Variants in WWOX observed in about 807,000 individuals in gnomAD.
WWOX encodes WW domain-containing oxidoreductase.
A neutral mutation model predicts 46.2 loss-of-function variants in WWOX; 69 were observed. That is an observed-to-expected ratio of 1.49 (90% CI 1.23 to 1.82). The LOEUF (loss-of-function observed/expected upper bound fraction) is 1.82. WWOX is among the 40% of genes most tolerant of loss of function. WWOX has a pLI of 0.00. For synonymous variants in WWOX, 359 were observed against 202.6 expected (o/e 1.77, Z -6.56); for missense variants, 919 against 542.6 (o/e 1.69, Z -6.89).
chr16:78,921,507 C>T (rs560748726), intron 8 of WWOX, among the ~76,000 whole-genome samples: 1 of 152,156 alleles, frequency 6.6e-6, no homozygotes, highest in Non-Finnish European at 1.5e-5. Flanking sequence ...TTTTCAAAGA[C>T]CTTTCACAGT....
intron 8 of WWOX, among the ~76,000 whole-genome samples, chr16:78,478,835 C>T (rs1164892197): frequency 6.6e-6 from 1 of 151,964 alleles, no homozygotes; most frequent in East Asian, 1.9e-4. Context: ...TTTATTTTTT[C>T]TCTCCCCTTT....
intron 1 of WWOX, among the ~76,000 whole-genome samples, chr16:78,100,839 C>T (rs1423023831): frequency 6.6e-6 from 1 of 152,148 alleles, no homozygotes; most frequent in East Asian, 1.9e-4. Flanking sequence ...TTAGAATCAC[C>T]TAGGAAATGT....
chr16:78,741,463 G>A (rs545014780), intron 8 of WWOX, among the ~76,000 whole-genome samples: 2 of 152,304 alleles, frequency 1.3e-5, no homozygotes, highest in East Asian at 3.9e-4. Flanking sequence ...GGGAGGCTGA[G>A]GCAGGAGAAT....
intron 8 of WWOX, among the ~76,000 whole-genome samples, chr16:79,207,299 C>T (rs900974522): frequency 6.6e-6 from 1 of 152,226 alleles, no homozygotes; most frequent in African/African-American, 2.4e-5. Flanking sequence ...AGATGAGTAA[C>T]AATGGAAGTA....
At chr16:78,294,308 C>G (rs1257849880) in intron 5 of WWOX, among the ~76,000 whole-genome samples, 1 of 152,142 alleles carries the variant, frequency 6.6e-6, no homozygotes, top group Non-Finnish European at 1.5e-5. Context: ...TGCAGAGGCA[C>G]TGGTGCATAT....
intron 8 of WWOX, among the ~76,000 whole-genome samples, chr16:78,499,098 T>G (rs991909421): frequency 2.6e-5 from 4 of 152,198 alleles, no homozygotes; most frequent in Admixed American, 6.5e-5. Flanking sequence ...TGAGTTTGAT[T>G]AAAGCTGAAT....
intron 5 of WWOX, among the ~76,000 whole-genome samples, chr16:78,332,254 G>A (rs1174361589): frequency 6.6e-6 from 1 of 152,122 alleles, no homozygotes; most frequent in African/African-American, 2.4e-5. Flanking sequence ...GATCCCAGAT[G>A]GATCTACTAT....
At chr16:78,561,397 C>A (rs2044431486) in intron 8 of WWOX, among the ~76,000 whole-genome samples, 1 of 152,126 alleles carries the variant, frequency 6.6e-6, no homozygotes, top group Non-Finnish European at 1.5e-5. Context: ...ATTTCAAGGG[C>A]TCACGTGATG....
chr16:78,116,393 G>A (rs1031091356), intron 4 of WWOX, among the ~76,000 whole-genome samples: 1 of 152,154 alleles, frequency 6.6e-6, no homozygotes, highest in Non-Finnish European at 1.5e-5. Flanking sequence ...TTATTGTGTT[G>A]TACAAGGTGT....
chr16:79,169,299 GCA>G (rs1368434710), intron 8 of WWOX, among the ~76,000 whole-genome samples: 1 of 152,138 alleles, frequency 6.6e-6, no homozygotes, highest in African/African-American at 2.4e-5. Flanking sequence ...GTGTTAGAAA[GCA>G]CAAAGGACTT....
At chr16:78,712,599 C>A (rs1034946376) in intron 8 of WWOX, among the ~76,000 whole-genome samples, 1 of 151,914 alleles carries the variant, frequency 6.6e-6, no homozygotes, top group African/African-American at 2.4e-5. Context: ...TTAGGGGAAC[C>A]TGCTCTCAAA....
At chr16:78,245,567 G>A (rs1463251715) in intron 5 of WWOX, among the ~76,000 whole-genome samples, 1 of 152,190 alleles carries the variant, frequency 6.6e-6, no homozygotes. Context: ...GTTGAGATAC[G>A]AATGTATTCT....
chr16:78,171,158 G>C (rs1157910976), intron 5 of WWOX, among the ~76,000 whole-genome samples: 2 of 152,166 alleles, frequency 1.3e-5, no homozygotes, highest in Non-Finnish European at 2.9e-5. Context: ...GCTTTTCATA[G>C]ATACTGACAC....
At chr16:78,377,654 A>T (rs1247142512) in intron 5 of WWOX, among the ~76,000 whole-genome samples, 1 of 152,338 alleles carries the variant, frequency 6.6e-6, no homozygotes, top group East Asian at 1.9e-4. Context: ...AAGTGAATAT[A>T]TTGCATAGAG....
At position 78,852,260 on chromosome 16, in the gene WWOX, C is replaced by T. The variant is rs117795652; in HGVS notation, c.1057-359348C>T. Among the ~76,000 whole-genome samples, 5 of 152,280 alleles carry T rather than the reference C, an allele frequency of 3.3e-5. No individual in the cohort carries two copies. In the South Asian group the frequency reaches 8.3e-4, roughly 25 times the overall value. On this transcript the variant is annotated intron_variant, in intron 8 of 8. Transcript: ENST00000566780. ...GGGTTTTACATTGCAGTATATTTCT[C>T]TTCTACTCTGAACAGGATTGTCCTG...
intron 8 of WWOX, among the ~76,000 whole-genome samples, chr16:79,084,272 T>A (rs1168150192): frequency 6.6e-6 from 1 of 152,070 alleles, no homozygotes; most frequent in Non-Finnish European, 1.5e-5. Context: ...GTGCTAGAGC[T>A]GTACAAAGAG....
At chr16:79,111,747 CTCA>C (rs1325454448) in intron 8 of WWOX, among the ~76,000 whole-genome samples, 4 of 152,144 alleles carry the variant, frequency 2.6e-5, no homozygotes, top group African/African-American at 4.8e-5. Flanking sequence ...AGTATTTAGG[CTCA>C]TCATATTAGA....
chr16:78,108,357 A>T, intron 1 of WWOX, 66 bp from the exon 2 acceptor site: 1 of 1,512,912 alleles, frequency 6.6e-7, no homozygotes, highest in Non-Finnish European at 9.1e-7. Context: ...AAAATTTAAT[A>T]CAATTGATTA....
At chr16:79,080,477 A>G (rs2048740209) in intron 8 of WWOX, among the ~76,000 whole-genome samples, 1 of 152,170 alleles carries the variant, frequency 6.6e-6, no homozygotes, top group South Asian at 2.1e-4. Context: ...CTCTTGCCAC[A>G]AATCAGCTGT....
Sources: allele counts gnomAD v4.1 joint callset (sites outside exome capture counted in the v4.1 genomes callset), GRCh38; gene constraint gnomAD v4.1.1; transcripts MANE v1.5; gene names NCBI Gene and HGNC (gene_info 2026-07-23, HGNC 2026-07-21).